CDH18: variants seen among roughly 807,000 people sequenced by gnomAD.
CDH18 encodes the protein cadherin-18.
CDH18 carries 31 observed loss-of-function variants against 67.9 expected under a neutral mutation model. That is an observed-to-expected ratio of 0.46 (90% CI 0.34 to 0.62). The LOEUF (loss-of-function observed/expected upper bound fraction) is 0.62. Among genes scored for constraint, CDH18 ranks in the 20% least tolerant of loss-of-function variants. CDH18 has a pLI of 0.01. For missense variants in CDH18, 890 were observed against 975.5 expected (o/e 0.91, Z 1.17); for synonymous variants, 362 against 347.2 (o/e 1.04, Z -0.48).
chr5:19,699,246 C>T (rs1175830496), intron 5 of CDH18, among the ~76,000 whole-genome samples: 4 of 152,096 alleles, frequency 2.6e-5, no homozygotes, highest in Non-Finnish European at 5.9e-5. Context: ...TATATATCCT[C>T]ATCCATATTG....
chr5:19,499,906 GT>G (rs1329457566), intron 11 of CDH18, among the ~76,000 whole-genome samples: 1 of 151,988 alleles, frequency 6.6e-6, no homozygotes, highest in African/African-American at 2.4e-5. Context: ...ACTCATCCTG[GT>G]TTCGGGGCTA....
intron 1 of CDH18, among the ~76,000 whole-genome samples, chr5:20,309,510 A>G (rs1329169278): frequency 6.6e-6 from 1 of 152,222 alleles, no homozygotes; most frequent in Non-Finnish European, 1.5e-5. Context: ...CACATGTGAC[A>G]TGATAATTTA....
At chr5:20,059,186 C>T (rs1012906905) in intron 2 of CDH18, among the ~76,000 whole-genome samples, 1 of 151,952 alleles carries the variant, frequency 6.6e-6, no homozygotes, top group Non-Finnish European at 1.5e-5. Context: ...TCCCCTTTAT[C>T]GTTTTTTATT....
chr5:19,540,913 T>C (rs1182308345), intron 9 of CDH18, among the ~76,000 whole-genome samples: 1 of 152,196 alleles, frequency 6.6e-6, no homozygotes, highest in Non-Finnish European at 1.5e-5. Context: ...ATTTGGCTCC[T>C]TGTTACTTAT....
In CDH18 at chr5:19,480,657, T is replaced by C. The variant is rs1298506092; in HGVS notation, c.1882+2644A>G. 2.6e-5 allele frequency among the ~76,000 whole-genome samples: 4 copies of C among 152,322 alleles called. No homozygotes were observed. In the East Asian group the frequency reaches 7.7e-4, roughly 29 times the overall value. On this transcript the variant is annotated intron_variant, in intron 12 of 12. Transcript: ENST00000382275. ...CTCCCAAAGTGCTGGGATTATGGCA[T>C]GAGCCACCGCGCCCGGCCATATAAA...
intron 2 of CDH18, among the ~76,000 whole-genome samples, chr5:19,943,890 A>G (rs1021620956): frequency 1.3e-5 from 2 of 152,156 alleles, no homozygotes; most frequent in Admixed American, 6.6e-5. Flanking sequence ...GCAATGAAAT[A>G]TAAGCAGTTT....
intron 2 of CDH18, among the ~76,000 whole-genome samples, chr5:20,132,843 T>C (rs1749384364): frequency 1.3e-5 from 2 of 152,200 alleles, no homozygotes; most frequent in African/African-American, 2.4e-5. Flanking sequence ...AAGCAAATTA[T>C]TAAGTTTTAT....
intron 2 of CDH18, among the ~76,000 whole-genome samples, chr5:19,881,776 G>T (rs1787678253): frequency 6.6e-6 from 1 of 151,886 alleles, no homozygotes; most frequent in South Asian, 2.1e-4. Flanking sequence ...AAAGTGCTGG[G>T]GTTACAGGCA....
chr5:20,060,779 C>T (rs1351838013), intron 2 of CDH18, among the ~76,000 whole-genome samples: 1 of 151,828 alleles, frequency 6.6e-6, no homozygotes, highest in East Asian at 1.9e-4. Flanking sequence ...TACCTGTGCC[C>T]AATTCTATAT....
intron 3 of CDH18, among the ~76,000 whole-genome samples, chr5:19,794,381 T>C (rs1345962097): frequency 2.0e-5 from 3 of 152,144 alleles, no homozygotes; most frequent in South Asian, 2.1e-4. Flanking sequence ...CTTTATGTCA[T>C]AGATGGGACA....
rs982305288 is a variant in CDH18, at chr5:19,799,771, G to C, written c.228+38988C>G. Among the ~76,000 whole-genome samples, 4 of 152,182 alleles carry C rather than the reference G, an allele frequency of 2.6e-5. No homozygotes were observed. In the South Asian group the frequency reaches 8.3e-4, roughly 32 times the overall value. ...GTGACTAGTTGACACTGAAAATGAGGTTCGTATCATGCATTATCTTTTATG... is the reference window on the plus strand; with the variant it reads ...GTGACTAGTTGACACTGAAAATGAGCTTCGTATCATGCATTATCTTTTATG... On this transcript the variant is annotated intron_variant, in intron 3 of 12. Coordinates refer to ENST00000382275, the MANE Select transcript of CDH18 (RefSeq NM_004934.5).
At chr5:19,811,086 GAA>G in intron 3 of CDH18, among the ~76,000 whole-genome samples, 1 of 17,832 alleles carries the variant, frequency 5.6e-5, no homozygotes, top group Non-Finnish European at 1.0e-4. Context: ...GAAAAAGAAA[GAA>G]AGAAAGAAAG....
At chr5:19,534,568 CTT>C (rs1464333644) in intron 9 of CDH18, among the ~76,000 whole-genome samples, 1 of 152,122 alleles carries the variant, frequency 6.6e-6, no homozygotes, top group Non-Finnish European at 1.5e-5. Context: ...TACCTATACA[CTT>C]TACAGATACA....
chr5:19,634,031 C>T (rs1054691037), intron 5 of CDH18, among the ~76,000 whole-genome samples: 2 of 152,102 alleles, frequency 1.3e-5, no homozygotes, highest in African/African-American at 4.8e-5. Context: ...GAAACATTGG[C>T]CATCTAATAT....
intron 1 of CDH18, among the ~76,000 whole-genome samples, chr5:20,333,946 A>AT (rs1739442129): frequency 6.6e-6 from 1 of 152,092 alleles, no homozygotes; most frequent in African/African-American, 2.4e-5. Context: ...TAAAATTGCA[A>AT]TTTTTGATGA....
At chr5:20,305,065 G>T in intron 1 of CDH18, 1 of 1,599,976 alleles carries the variant, frequency 6.3e-7, no homozygotes, top group Admixed American at 1.7e-5. Flanking sequence ...TTTGGGATTT[G>T]AAACTTTTTT....
chr5:20,498,996 T>TG (rs1243672943), intron 1 of CDH18, among the ~76,000 whole-genome samples: 3 of 152,112 alleles, frequency 2.0e-5, no homozygotes, highest in African/African-American at 4.8e-5. Flanking sequence ...TCTGGGTTAC[T>TG]GGTTTAGAAA....
At chr5:19,924,934 G>A (rs2150180398) in intron 2 of CDH18, among the ~76,000 whole-genome samples, 1 of 152,240 alleles carries the variant, frequency 6.6e-6, no homozygotes, top group South Asian at 2.1e-4. Context: ...CCTTGAACAA[G>A]GCAGGGATTG....
intron 1 of CDH18, among the ~76,000 whole-genome samples, chr5:20,381,926 TATA>T (rs1487891180): frequency 6.6e-6 from 1 of 152,080 alleles, no homozygotes; most frequent in Non-Finnish European, 1.5e-5. Flanking sequence ...ATACTATAAA[TATA>T]ATAATTAAAA....
Sources: allele counts gnomAD v4.1 joint callset (sites outside exome capture counted in the v4.1 genomes callset), GRCh38; gene constraint gnomAD v4.1.1; transcripts MANE v1.5; gene names NCBI Gene and HGNC (gene_info 2026-07-23, HGNC 2026-07-21).